The following PCDH18 variants were observed in gnomAD, a reference collection of about 807,000 sequenced individuals.
PCDH18 encodes the protein protocadherin 18.
In PCDH18, 38 loss-of-function variants were observed where a neutral mutation model predicts 71.5. The ratio of observed to expected loss-of-function variants is 0.53; its 90% confidence interval spans 0.41 to 0.70. The LOEUF is 0.70. PCDH18 is among the 30% of genes least tolerant of loss of function. PCDH18 has a pLI of 0.00. For missense variants in PCDH18, 1,334 were observed against 1,384.6 expected, an observed-to-expected ratio of 0.96 and a Z score of 0.58; for synonymous variants, 565 against 505.4, an observed-to-expected ratio of 1.12 and a Z score of -1.58.
chr4:137,531,271 G>T lies in PCDH18; in HGVS notation c.818C>A (p.Pro273Gln). ...AATTTTCCCATTAGCGCCCTCATCT[G>T]GATCCGTGGCATTCAGATCTAAGAG... is the stretch of plus-strand genomic sequence containing the variant. ...TLLLDLNATD[P>Q]DEGANGKIVY... The change falls in exon 1 of 4, where the codon CCA (proline) becomes CAA (glutamine). Residue 273 changes from proline to glutamine, a missense_variant. Coordinates refer to ENST00000344876, the MANE Select transcript of PCDH18 (RefSeq NM_019035.5). The T allele has an allele frequency of 6.2e-7, 1 of 1,614,006 alleles. No homozygotes were observed. The highest frequency in any genetic ancestry group is 1.3e-5 in the African/African-American group (1 of 75,026).
At chr4:137,523,040 A>G (rs1484063890) in intron 3 of PCDH18, among the ~76,000 whole-genome samples, 2 of 152,198 alleles carry the variant, frequency 1.3e-5, no homozygotes, top group African/African-American at 4.8e-5. Flanking sequence ...TATGGACCTC[A>G]AGTTTTAATG....
rs200753356 is a variant in PCDH18, at chr4:137,530,344, C to A, written c.1745G>T (p.Arg582Leu). The A allele has an allele frequency of 6.2e-7, 1 of 1,613,434 alleles. No individual in the cohort carries two copies. The highest frequency in any genetic ancestry group is 8.5e-7 in the Non-Finnish European group (1 of 1,179,526). ...NVPVVIGPAL[R>L]NNTAEITIPK... ...AATGGTGATTTCTGCCGTATTATTA[C>A]GCAATGCAGGCCCTATAACCACAGG... is the stretch of plus-strand genomic sequence containing the variant. The change falls in exon 1 of 4, where the codon CGT (arginine) becomes CTT (leucine). Residue 582 changes from arginine (R) to leucine (L), a missense_variant. Physicochemically the swap from Arg to Leu is moderately radical, Grantham distance 102. Transcript: ENST00000344876.
chr4:137,524,391 A>G (rs902255964), intron 3 of PCDH18, among the ~76,000 whole-genome samples: 7 of 152,182 alleles, frequency 4.6e-5, no homozygotes, highest in Non-Finnish European at 7.4e-5. Context: ...CCCTGCCCTC[A>G]AAAGTTGTAA....
rs748905552 is a variant in PCDH18 at position 137,531,627 on chromosome 4, A to T, written c.462T>A (p.Thr154=). The T allele has an allele frequency of 6.2e-7, 1 of 1,613,848 alleles. No homozygotes were observed. Among genetic ancestry groups the T allele is most frequent in the East Asian group, 2.2e-5 (1 of 44,866 alleles). The change falls in exon 1 of 4, where the codon ACT becomes ACA. Residue 154 remains threonine (T), a synonymous_variant. Transcript: ENST00000344876. ...CAAATGCACTGTCCAGGGGAATGCGAGTCCCAACTGCTGCACTCTCAGATA... is the reference window on the plus strand; with the variant it reads ...CAAATGCACTGTCCAGGGGAATGCGTGTCCCAACTGCTGCACTCTCAGATA... The part of the protein sequence containing the change: ...IEISESAAVG[T]RIPLDSAFDP...
At chr4:137,524,631 A>C (rs752639805) in intron 3 of PCDH18, among the ~76,000 whole-genome samples, 2 of 152,176 alleles carry the variant, frequency 1.3e-5, no homozygotes, top group East Asian at 3.8e-4. Context: ...TGAGCAAAGC[A>C]TCAGTGTATT....
rs149242655 is a variant in PCDH18, at chr4:137,530,129, G to T, written c.1960C>A (p.Leu654Met). 1.9e-6 allele frequency: 3 copies of T among 1,612,812 alleles called. No homozygotes were observed. Among genetic ancestry groups the T allele is most frequent in the Non-Finnish European group, 2.5e-6 (3 of 1,178,934 alleles). Residue 654 changes from leucine (L) to methionine (M), a missense_variant, in exon 1 of 4, where the codon CTG becomes ATG. By Grantham distance (15) the Leu-to-Met change is conservative. Transcript: ENST00000344876. ...MDSVPYTEWE[L>M]SVIIQDKGNP... ...CCTTTGTCCTGAATGATAACTGACA[G>T]CTCCCATTCTGTGTAGGGAACAGAA... is the stretch of plus-strand genomic sequence containing the variant.
intron 3 of PCDH18, among the ~76,000 whole-genome samples, chr4:137,527,940 C>T (rs1210733135): frequency 2.6e-5 from 4 of 152,136 alleles, no homozygotes; most frequent in Non-Finnish European, 5.9e-5. Flanking sequence ...CAAAAATATT[C>T]TGTGCTTACC....
rs915859839 is a variant in PCDH18 at position 137,531,401 on chromosome 4, A to T, written c.688T>A (p.Ser230Thr). The T allele has an allele frequency of 4.3e-6, 7 of 1,612,928 alleles. No homozygotes were observed. The highest frequency in any genetic ancestry group is 1.3e-5 in the African/African-American group (1 of 75,004). Residue 230 changes from serine to threonine, a missense_variant, in exon 1 of 4, where the codon TCC becomes ACC. By Grantham distance (58) the Ser-to-Thr change is moderately conservative. Around this residue, in one of 3 missense-constraint regions of PCDH18, gnomAD observed 1,011 missense variants for 1,048.0 expected, o/e 0.96. Transcript: ENST00000344876. ...TCTGAAATGCTTATTTTTAGTATGG[A>T]TGAGCCAGACCTCTGAGGTACTCCC... ...DMGVPQRSGS[S>T]ILKISISDSN... is the part of the protein sequence containing the mutation.
Position 137,531,733 on chromosome 4 carries a change from T to A in PCDH18, c.356A>T (p.Gln119Leu), listed in dbSNP as rs1402961785. ...DVITLPTEHL[Q>L]LFHIEVEVLD... ...CACTTCAACTTCAATATGGAAAAGC[T>A]GCAGATGCTCTGTGGGTAGAGTGAT... The change falls in exon 1 of 4, where the codon CAG becomes CTG. Residue 119 changes from glutamine (Q) to leucine (L), a missense_variant. Gln to Leu is a moderately radical substitution (Grantham distance 113). Coordinates refer to ENST00000344876, the MANE Select transcript of PCDH18 (RefSeq NM_019035.5). The A allele has an allele frequency of 1.2e-6, 2 of 1,614,114 alleles. No homozygotes were observed. Among genetic ancestry groups the A allele is most frequent in the Non-Finnish European group, 1.7e-6 (2 of 1,179,988 alleles).
chr4:137,532,091 G>A lies in PCDH18; in HGVS notation c.-3C>T, dbSNP rs963166615. Reference sequence around the variant, plus strand: ...ATTTTAGCATTCATTTGGTGCATTGGTCAGTTTATGAGATTTCCCTCACAG... The same window carrying A: ...ATTTTAGCATTCATTTGGTGCATTGATCAGTTTATGAGATTTCCCTCACAG... On this transcript the variant is annotated 5_prime_UTR_variant, in exon 1 of 4. Transcript: ENST00000344876. The A allele has an allele frequency of 6.2e-7, 1 of 1,604,630 alleles. No homozygotes were observed. Among genetic ancestry groups the A allele is most frequent in the Non-Finnish European group, 8.5e-7 (1 of 1,173,786 alleles).
chr4:137,527,337 A>T (rs2149214157), intron 3 of PCDH18, among the ~76,000 whole-genome samples: 1 of 152,326 alleles, frequency 6.6e-6, no homozygotes. Flanking sequence ...AATACCTAAT[A>T]AATGTAAATG....
Position 137,520,434 on chromosome 4 carries a change from C to T in PCDH18, c.*595G>A, listed in dbSNP as rs1008353667. ...TTTGAGATAGTCATCTAATAAATAA[C>T]CTTCAAGATATTTCTCAGTCCTGAA... On this transcript the variant is annotated 3_prime_UTR_variant, in exon 4 of 4. Coordinates refer to ENST00000344876, the MANE Select transcript of PCDH18 (RefSeq NM_019035.5). 1.3e-5 allele frequency: 2 copies of T among 152,110 alleles called. No individual in the cohort carries two copies. Among genetic ancestry groups the T allele is most frequent in the Non-Finnish European group, 2.9e-5 (2 of 68,010 alleles). The allele number at this position is 152,110 out of a possible 1,614,324, so 9.4% of individuals were successfully genotyped here.
At chr4:137,523,266 A>G (rs372449971) in intron 3 of PCDH18, among the ~76,000 whole-genome samples, 5 of 152,272 alleles carry the variant, frequency 3.3e-5, no homozygotes, top group African/African-American at 1.2e-4. Context: ...AATAAGCAAG[A>G]ATGATTTAAG....
chr4:137,529,946 C>A lies in PCDH18; in HGVS notation c.2143G>T (p.Val715Phe). Residue 715 changes from valine to phenylalanine, a missense_variant, in exon 1 of 4, where the codon GTT becomes TTT. Transcript: ENST00000344876. ...SLGAICAVLL[V>F]IMVLFATRCN... ...CTAGTTGCAAATAGCACCATAATAA[C>A]CAGCAACACTGCACAAATTGCTCCT... 6.2e-7 allele frequency: 1 copy of A among 1,613,800 alleles called. No individual in the cohort carries two copies. The highest frequency in any genetic ancestry group is 8.5e-7 in the Non-Finnish European group (1 of 1,179,874).
In PCDH18 at chr4:137,529,987, A is replaced by G; in HGVS notation, c.2102T>C (p.Ile701Thr). 1 of 1,613,988 alleles carries G rather than the reference A, an allele frequency of 6.2e-7. No individual in the cohort carries two copies. The highest frequency in any genetic ancestry group is 1.3e-5 in the African/African-American group (1 of 75,050). ...AATTGCTCCTAAGGAAATAATTATTATCATGGAGACATCCAAGGATGCCTG... is the reference window on the plus strand; with the variant it reads ...AATTGCTCCTAAGGAAATAATTATTGTCATGGAGACATCCAAGGATGCCTG... Reference protein sequence around the residue: ...VSQASLDVSMIIIISLGAICA... With the variant: ...VSQASLDVSMTIIISLGAICA... Residue 701 changes from isoleucine to threonine, a missense_variant, in exon 1 of 4, where the codon ATA becomes ACA. Physicochemically the swap from Ile to Thr is moderately conservative, Grantham distance 89. Coordinates refer to ENST00000344876, the MANE Select transcript of PCDH18 (RefSeq NM_019035.5).
At chr4:137,525,693 A>G (rs577964737) in intron 3 of PCDH18, among the ~76,000 whole-genome samples, 1 of 152,294 alleles carries the variant, frequency 6.6e-6, no homozygotes, top group East Asian at 1.9e-4. Flanking sequence ...CGATACCTCC[A>G]GGATAGCTTT....
chr4:137,521,629 C>G lies in PCDH18; in HGVS notation c.2808G>C (p.Leu936=). 1 of 1,613,030 alleles carries G rather than the reference C, an allele frequency of 6.2e-7. No individual in the cohort carries two copies. The highest frequency in any genetic ancestry group is 8.5e-7 in the Non-Finnish European group (1 of 1,179,888). Residue 936 remains leucine (L), a synonymous_variant, in exon 4 of 4, where the codon CTG becomes CTC. Coordinates refer to ENST00000344876, the MANE Select transcript of PCDH18 (RefSeq NM_019035.5). ...TCCTATAATCAGAAGACGGTGAGGG[C>G]AGTGGTGGCATCCAGCACTGGTCAG... ...GHSDQCWMPP[L]PSPSSDYRSN...
At chr4:137,526,146 C>A (rs182511845) in intron 3 of PCDH18, among the ~76,000 whole-genome samples, 6 of 151,730 alleles carry the variant, frequency 4.0e-5, no homozygotes, top group African/African-American at 4.8e-5. Context: ...AGTAAAAGAA[C>A]TTTGACCTAA....
At chr4:137,525,941 G>C (rs1731441089) in intron 3 of PCDH18, among the ~76,000 whole-genome samples, 1 of 151,868 alleles carries the variant, frequency 6.6e-6, no homozygotes, top group Non-Finnish European at 1.5e-5. Context: ...TACTGATGAA[G>C]CTTAACGTCA....
Sources: gnomAD v4.1 joint callset for allele counts (sites outside exome capture counted in the v4.1 genomes callset) on GRCh38, gnomAD v4.1.1 for gene constraint, gnomAD v4.1.1 regional missense constraint, MANE v1.5 for transcripts, NCBI Gene and HGNC (gene_info 2026-07-23, HGNC 2026-07-21) for gene names.